Variants in PREP observed in about 807,000 individuals in gnomAD.
PREP encodes the protein dJ355L5.1 (prolyl endopeptidase).
Under a neutral mutation model 87.6 loss-of-function variants are expected in PREP, and 29 were observed. That is an observed-to-expected ratio of 0.33 (90% CI 0.25 to 0.45). The LOEUF is 0.45. PREP is among the 20% of genes least tolerant of loss of function. PREP has a pLI of 1.00. For synonymous variants in PREP, 337 were observed against 328.6 expected, an observed-to-expected ratio of 1.03 and a Z score of -0.28; for missense variants, 695 against 886.5, an observed-to-expected ratio of 0.78 and a Z score of 2.74.
chr6:105,326,819 A>C (rs1475661500), intron 9 of PREP, among the ~76,000 whole-genome samples: 1 of 152,246 alleles, frequency 6.6e-6, no homozygotes, highest in Non-Finnish European at 1.5e-5. Context: ...AAAACTAGTA[A>C]AAGGAGACAG....
intron 14 of PREP, 100 bp downstream of exon 14, chr6:105,281,646 A>C: frequency 7.1e-7 from 1 of 1,404,932 alleles, no homozygotes; most frequent in East Asian, 2.3e-5. Flanking sequence ...TGCAAATGCA[A>C]GACCCTGACA....
At chr6:105,330,115 G>A (rs1264623314) in intron 8 of PREP, among the ~76,000 whole-genome samples, 1 of 152,234 alleles carries the variant, frequency 6.6e-6, no homozygotes, top group Non-Finnish European at 1.5e-5. Context: ...AGATGGAGAT[G>A]CTGGTGGTGG....
chr6:105,328,183 A>T (rs148895319), intron 9 of PREP, among the ~76,000 whole-genome samples: 3,141 of 152,250 alleles, frequency 0.021, 50 homozygotes, highest in Non-Finnish European at 0.027. Flanking sequence ...GTAGCTAAAG[A>T]TTTTACATTT....
intron 10 of PREP, among the ~76,000 whole-genome samples, chr6:105,323,333 A>G (rs1051580583): frequency 1.3e-5 from 2 of 152,180 alleles, no homozygotes; most frequent in Admixed American, 6.5e-5. Flanking sequence ...TTACAACACC[A>G]AAAGACCTGA....
At chr6:105,296,385 G>A (rs1408975956) in intron 10 of PREP, among the ~76,000 whole-genome samples, 1 of 145,462 alleles carries the variant, frequency 6.9e-6, no homozygotes, top group Non-Finnish European at 1.5e-5. Flanking sequence ...TACACCAACA[G>A]TTTTTTTTTT....
At chr6:105,354,493 T>C (rs1226369731) in intron 6 of PREP, among the ~76,000 whole-genome samples, 1 of 152,128 alleles carries the variant, frequency 6.6e-6, no homozygotes. Flanking sequence ...TGCCCAGATA[T>C]TTGGATGTTA....
chr6:105,302,729 C>A (rs994637441), intron 10 of PREP: 3 of 509,350 alleles, frequency 5.9e-6, no homozygotes, highest in Non-Finnish European at 1.1e-5. Context: ...AGTGGCGATG[C>A]GCAGCTGGGA....
At chr6:105,292,554 A>G (rs1770317179) in intron 10 of PREP, among the ~76,000 whole-genome samples, 2 of 152,238 alleles carry the variant, frequency 1.3e-5, no homozygotes, top group African/African-American at 2.4e-5. Flanking sequence ...TAGAGCACAA[A>G]GTAGATTTAC....
chr6:105,360,035 A>G (rs1339745335), intron 6 of PREP, among the ~76,000 whole-genome samples: 1 of 152,244 alleles, frequency 6.6e-6, no homozygotes, highest in Non-Finnish European at 1.5e-5. Flanking sequence ...GTAAATATGC[A>G]GTGTGTACAA....
intron 2 of PREP, among the ~76,000 whole-genome samples, chr6:105,387,950 A>G (rs1773046606): frequency 6.6e-6 from 1 of 152,174 alleles, no homozygotes; most frequent in Non-Finnish European, 1.5e-5. Flanking sequence ...CCCAATACTC[A>G]GCACAGTGGG....
chr6:105,345,905 A>C (rs551673944), intron 7 of PREP, among the ~76,000 whole-genome samples: 7 of 152,312 alleles, frequency 4.6e-5, no homozygotes, highest in Non-Finnish European at 8.8e-5. Context: ...AATGTTACAT[A>C]AACAGTATTA....
In PREP at chr6:105,332,598, T is replaced by C. The variant is rs1333752144; in HGVS notation, c.1015+716A>G. Among the ~76,000 whole-genome samples, 3 of 152,166 alleles carry C rather than the reference T, an allele frequency of 2.0e-5. No homozygotes were observed. In the East Asian group the frequency reaches 5.8e-4, roughly 29 times the overall value. On this transcript the variant is annotated intron_variant, in intron 8 of 14. Transcript: ENST00000652536. ...AGCAGTTCACCACCACCAAGTAACC[T>C]CATTGGCCTAATAGTACTGAATTCT...
chr6:105,379,851 G>A (rs1236680382), intron 2 of PREP, among the ~76,000 whole-genome samples: 1 of 152,200 alleles, frequency 6.6e-6, no homozygotes, highest in Admixed American at 6.5e-5. Context: ...CCCACAAAAA[G>A]CCAGAGGGTT....
chr6:105,352,873 A>G, intron 7 of PREP, 99 bp downstream of exon 7: 2 of 1,030,428 alleles, frequency 1.9e-6, no homozygotes, highest in Non-Finnish European at 1.5e-6. Flanking sequence ...GATGTGGTAG[A>G]ATGGAAGAGG....
chr6:105,394,289 T>G (rs1773234171), intron 2 of PREP, among the ~76,000 whole-genome samples: 1 of 152,206 alleles, frequency 6.6e-6, no homozygotes, highest in Non-Finnish European at 1.5e-5. Context: ...AACACTAGGC[T>G]AGAAAGTTCT....
At chr6:105,338,481 C>A (rs1771536661) in intron 7 of PREP, among the ~76,000 whole-genome samples, 1 of 152,224 alleles carries the variant, frequency 6.6e-6, no homozygotes, top group Non-Finnish European at 1.5e-5. Context: ...GTGAGTGACA[C>A]AGAAGACGGG....
chr6:105,285,641 C>T, intron 11 of PREP, 61 bp from the exon 12 acceptor site: 1 of 1,366,360 alleles, frequency 7.3e-7, no homozygotes, highest in Non-Finnish European at 1.0e-6. Flanking sequence ...CATGCCCTCT[C>T]TCTCCATCTC....
intron 10 of PREP, among the ~76,000 whole-genome samples, chr6:105,294,579 A>G (rs1336087197): frequency 6.6e-6 from 1 of 152,142 alleles, no homozygotes; most frequent in Non-Finnish European, 1.5e-5. Flanking sequence ...CTGTGTGTCT[A>G]TTATGTGCCA....
At chr6:105,382,674 T>C (rs1337427252) in intron 2 of PREP, among the ~76,000 whole-genome samples, 1 of 149,936 alleles carries the variant, frequency 6.7e-6, no homozygotes, top group Non-Finnish European at 1.5e-5. Flanking sequence ...AGATATGTGC[T>C]AGAGGAGAAC....
Sources: allele counts gnomAD v4.1 joint callset (sites outside exome capture counted in the v4.1 genomes callset), GRCh38; gene constraint gnomAD v4.1.1; transcripts MANE v1.5; gene names NCBI Gene and HGNC (gene_info 2026-07-23, HGNC 2026-07-21).